ZFHX3: variants seen among roughly 807,000 people sequenced by gnomAD.
ZFHX3 encodes the protein zinc finger homeobox 3.
In ZFHX3, 42 loss-of-function variants were observed where a neutral mutation model predicts 279.1. The observed-to-expected ratio is 0.15, with a 90% CI of 0.12 to 0.19. ZFHX3 has a LOEUF of 0.19. Ranked by LOEUF, ZFHX3 falls within the 10% of genes least tolerant of loss-of-function variation. ZFHX3 has a pLI of 1.00. For synonymous variants in ZFHX3, 2,293 were observed against 1,957.8 expected (o/e 1.17, Z -4.52); for missense variants, 4,981 against 4,754.0 (o/e 1.05, Z -1.40).
At chr16:73,771,482 G>A (rs1156247507) in intron 1 of ZFHX3, among the ~76,000 whole-genome samples, 2 of 152,226 alleles carry the variant, frequency 1.3e-5, no homozygotes, top group Non-Finnish European at 2.9e-5. Flanking sequence ...GCAATGGTCA[G>A]TAAGGAATTT....
At chr16:73,636,153 G>C (rs1454390989) in intron 2 of ZFHX3, among the ~76,000 whole-genome samples, 1 of 152,120 alleles carries the variant, frequency 6.6e-6, no homozygotes. Context: ...GGTAATGAAA[G>C]TCCTGAGCAG....
intron 3 of ZFHX3, among the ~76,000 whole-genome samples, chr16:72,935,363 C>T (rs141250605): frequency 4.7e-4 from 72 of 152,246 alleles, no homozygotes; most frequent in Middle Eastern, 6.8e-3. Flanking sequence ...GATAAGGGAA[C>T]GAAAGCAGGA....
intron 2 of ZFHX3, among the ~76,000 whole-genome samples, chr16:73,672,063 G>A (rs1483599365): frequency 6.6e-6 from 1 of 151,468 alleles, no homozygotes; most frequent in Admixed American, 6.6e-5. Context: ...TACATAAAAG[G>A]AAACACAGGT....
intron 4 of ZFHX3, among the ~76,000 whole-genome samples, chr16:72,877,134 G>A (rs910765672): frequency 2.2e-4 from 34 of 152,086 alleles, no homozygotes; most frequent in Non-Finnish European, 4.1e-4. Flanking sequence ...AAATCTCCCC[G>A]GTCTTATGTG....
intron 3 of ZFHX3, among the ~76,000 whole-genome samples, chr16:72,933,822 T>A (rs942914684): frequency 8.8e-6 from 1 of 113,516 alleles, no homozygotes; most frequent in African/African-American, 3.9e-5. Context: ...TCTTTTTTTT[T>A]TTTTTTTTTT....
At chr16:73,431,733 G>A (rs1220899076) in intron 3 of ZFHX3, among the ~76,000 whole-genome samples, 1 of 152,032 alleles carries the variant, frequency 6.6e-6, no homozygotes, top group Non-Finnish European at 1.5e-5. Flanking sequence ...CCAGCAATTT[G>A]GTCAAAGGGA....
intron 3 of ZFHX3, among the ~76,000 whole-genome samples, chr16:73,343,893 A>G (rs1011022667): frequency 6.6e-6 from 1 of 152,248 alleles, no homozygotes; most frequent in South Asian, 2.1e-4. Flanking sequence ...TATATCATTA[A>G]TGGAGAGAAG....
At chr16:73,869,417 T>A (rs998446270) in intron 1 of ZFHX3, among the ~76,000 whole-genome samples, 1 of 152,168 alleles carries the variant, frequency 6.6e-6, no homozygotes, top group Non-Finnish European at 1.5e-5. Context: ...GCTAAGCAAC[T>A]GCAGAGAACT....
intron 4 of ZFHX3, among the ~76,000 whole-genome samples, chr16:72,867,322 C>T (rs1489118368): frequency 6.6e-6 from 1 of 152,194 alleles, no homozygotes; most frequent in East Asian, 1.9e-4. Flanking sequence ...CAGCATCACT[C>T]GCAGAGCAGA....
chr16:73,665,940 T>C (rs907489548), intron 2 of ZFHX3, among the ~76,000 whole-genome samples: 1 of 150,682 alleles, frequency 6.6e-6, no homozygotes, highest in Non-Finnish European at 1.5e-5. Flanking sequence ...CTCAACTTCA[T>C]GAGTAACTGG....
chr16:73,482,553 G>T (rs2018888654), intron 2 of ZFHX3, among the ~76,000 whole-genome samples: 1 of 152,158 alleles, frequency 6.6e-6, no homozygotes, highest in South Asian at 2.1e-4. Context: ...GCCTCTCCAG[G>T]CTGTGTAGGG....
At chr16:73,861,769 A>G (rs1961886590) in intron 1 of ZFHX3, among the ~76,000 whole-genome samples, 1 of 152,202 alleles carries the variant, frequency 6.6e-6, no homozygotes, top group African/African-American at 2.4e-5. Flanking sequence ...ACACAGAAAT[A>G]GAATTAATCC....
At chr16:73,587,100 C>A (rs749910232) in intron 2 of ZFHX3, among the ~76,000 whole-genome samples, 3 of 152,128 alleles carry the variant, frequency 2.0e-5, no homozygotes, top group Non-Finnish European at 4.4e-5. Flanking sequence ...TTGCCTGGTT[C>A]TTCAAAAATT....
chr16:73,773,205 T>C (rs2054038691), intron 1 of ZFHX3, among the ~76,000 whole-genome samples: 1 of 152,244 alleles, frequency 6.6e-6, no homozygotes, highest in African/African-American at 2.4e-5. Flanking sequence ...GGCTAGTGGC[T>C]ACCGTGTTGC....
chr16:73,354,616 C>A (rs1022462379), intron 3 of ZFHX3, among the ~76,000 whole-genome samples: 3 of 152,210 alleles, frequency 2.0e-5, no homozygotes, highest in Admixed American at 1.3e-4. Flanking sequence ...TGCCTGCGTG[C>A]AAGCTCTTTC....
rs766300197 is a variant in ZFHX3, at chr16:72,957,767, G to A, written c.2379C>T (p.Pro793=). 2 of 1,612,278 alleles carry A rather than the reference G, an allele frequency of 1.2e-6. No individual in the cohort carries two copies. The highest frequency in any genetic ancestry group is 1.7e-4 in the Middle Eastern group (1 of 6,052). ...AANISSSCGA[P]SPTKPKTKPT... is the part of the protein sequence containing the mutation. ...GTTTGGTTTTTGGTTTGGTCGGCGA[G>A]GGGGCCCCGCAGGAGCTACTGATAT... Residue 793 remains proline, a synonymous_variant, in exon 2 of 10, where the codon CCC becomes CCT. Transcript: ENST00000268489.
chr16:73,714,355 T>C (rs753902861), intron 1 of ZFHX3, among the ~76,000 whole-genome samples: 3 of 152,156 alleles, frequency 2.0e-5, no homozygotes, highest in Non-Finnish European at 4.4e-5. Context: ...ACATTTCCCT[T>C]GGAAAGGACA....
At chr16:73,527,562 G>C (rs1012449224) in intron 2 of ZFHX3, among the ~76,000 whole-genome samples, 12 of 152,164 alleles carry the variant, frequency 7.9e-5, no homozygotes, top group African/African-American at 2.7e-4. Context: ...GAGGGACCTA[G>C]GGGCTCACTT....
intron 3 of ZFHX3, among the ~76,000 whole-genome samples, chr16:73,416,547 G>C (rs74028630): frequency 6.6e-6 from 1 of 152,266 alleles, no homozygotes; most frequent in African/African-American, 2.4e-5. Context: ...GGCAAGACCG[G>C]TGCTGCCAGG....
Sources: gnomAD v4.1 joint callset for allele counts (sites outside exome capture counted in the v4.1 genomes callset) on GRCh38, gnomAD v4.1.1 for gene constraint, MANE v1.5 for transcripts, NCBI Gene and HGNC (gene_info 2026-07-23, HGNC 2026-07-21) for gene names.